The following DPP10 variants were observed in gnomAD, a reference collection of about 807,000 sequenced individuals.
DPP10 encodes dipeptidyl peptidase like 10.
A neutral mutation model predicts 120.9 loss-of-function variants in DPP10; 33 were observed. That is an observed-to-expected ratio of 0.27 (90% CI 0.21 to 0.37). The LOEUF is 0.37. DPP10 is among the 10% of genes least tolerant of loss of function. DPP10 has a pLI of 1.00. For synonymous variants in DPP10, 337 were observed against 326.1 expected, an observed-to-expected ratio of 1.03 and a Z score of -0.36; for missense variants, 816 against 942.8, an observed-to-expected ratio of 0.87 and a Z score of 1.76.
At chr2:115,053,562 G>A (rs1300499520) in intron 1 of DPP10, among the ~76,000 whole-genome samples, 1 of 152,150 alleles carries the variant, frequency 6.6e-6, no homozygotes, top group Non-Finnish European at 1.5e-5. Flanking sequence ...ACACCATTGT[G>A]ATTTTACTAA....
At chr2:115,355,283 G>A (rs2064298670) in intron 3 of DPP10, among the ~76,000 whole-genome samples, 1 of 152,086 alleles carries the variant, frequency 6.6e-6, no homozygotes, top group African/African-American at 2.4e-5. Flanking sequence ...TATCATTGTG[G>A]TTTTGATTTG....
chr2:115,208,995 A>G (rs545642983), intron 1 of DPP10, among the ~76,000 whole-genome samples: 1 of 152,324 alleles, frequency 6.6e-6, no homozygotes, highest in East Asian at 1.9e-4. Flanking sequence ...ATGAGTTCTC[A>G]GATCAGAAAG....
At chr2:115,490,797 A>G (rs1438454391) in intron 3 of DPP10, among the ~76,000 whole-genome samples, 1 of 152,210 alleles carries the variant, frequency 6.6e-6, no homozygotes, top group African/African-American at 2.4e-5. Flanking sequence ...TTCTGACACT[A>G]AAACACTAAG....
intron 3 of DPP10, among the ~76,000 whole-genome samples, chr2:115,495,467 G>A (rs1049377550): frequency 6.6e-6 from 1 of 150,978 alleles, no homozygotes; most frequent in South Asian, 2.1e-4. Flanking sequence ...AATGTAGGCT[G>A]CCTTTATTTT....
At chr2:115,161,842 C>G (rs1573839678) in intron 1 of DPP10, 1 of 1,004,138 alleles carries the variant, frequency 1.0e-6, no homozygotes, top group East Asian at 3.6e-5. Flanking sequence ...CCCACCCCGT[C>G]CCTTCCGCCG....
intron 1 of DPP10, among the ~76,000 whole-genome samples, chr2:114,994,358 T>TA: frequency 6.6e-6 from 1 of 152,268 alleles, no homozygotes; most frequent in African/African-American, 2.4e-5. Flanking sequence ...GATAGGTAGG[T>TA]AGATAGATAA....
At chr2:115,679,182 G>A (rs1037819703) in intron 5 of DPP10, among the ~76,000 whole-genome samples, 1 of 150,496 alleles carries the variant, frequency 6.6e-6, no homozygotes, top group Non-Finnish European at 1.5e-5. Context: ...TAAAATGTGA[G>A]GACATGAGAT....
At chr2:114,616,878 A>C (rs1474057050) in intron 1 of DPP10, among the ~76,000 whole-genome samples, 1 of 152,124 alleles carries the variant, frequency 6.6e-6, no homozygotes, top group Non-Finnish European at 1.5e-5. Context: ...TGACAACCAG[A>C]CACCATAATA....
chr2:114,939,313 T>G (rs1235989501), intron 1 of DPP10, among the ~76,000 whole-genome samples: 1 of 152,042 alleles, frequency 6.6e-6, no homozygotes, highest in Non-Finnish European at 1.5e-5. Context: ...TTTTTAGAAA[T>G]ATTCATTTCC....
chr2:114,663,271 T>TATATATAC lies in DPP10; in HGVS notation c.60+220434_60+220435insTATATACA, dbSNP rs375462897. 4.6e-3 allele frequency among the ~76,000 whole-genome samples: 680 copies of TATATATAC among 147,292 alleles called. 4 individuals carry two copies. The highest frequency in any genetic ancestry group is 8.7e-3 in the South Asian group (41 of 4,708). On this transcript the variant is annotated intron_variant, in intron 1 of 25. Transcript: ENST00000410059. ...ATATATATATATATCTATATATATA[T>TATATATAC]ACACACACATATATGTATACATATA...
intron 1 of DPP10, among the ~76,000 whole-genome samples, chr2:114,821,835 T>C (rs1686113945): frequency 6.6e-6 from 1 of 152,182 alleles, no homozygotes; most frequent in African/African-American, 2.4e-5. Flanking sequence ...TTCTTCTGAG[T>C]CATGCTGGTG....
chr2:114,714,997 A>C (rs1003179295), intron 1 of DPP10, among the ~76,000 whole-genome samples: 1 of 152,160 alleles, frequency 6.6e-6, no homozygotes, highest in African/African-American at 2.4e-5. Flanking sequence ...ATCCTTTTCA[A>C]GTTAAAATCA....
intron 1 of DPP10, among the ~76,000 whole-genome samples, chr2:115,028,326 C>T (rs1703613203): frequency 6.6e-6 from 1 of 151,896 alleles, no homozygotes; most frequent in Non-Finnish European, 1.5e-5. Context: ...TTATAATATC[C>T]TTTTTAATTT....
intron 1 of DPP10, among the ~76,000 whole-genome samples, chr2:115,199,157 T>A (rs1228452541): frequency 1.3e-5 from 2 of 152,176 alleles, no homozygotes; most frequent in Non-Finnish European, 2.9e-5. Flanking sequence ...TAATAAAACC[T>A]GTAATTAAAT....
intron 1 of DPP10, among the ~76,000 whole-genome samples, chr2:114,669,160 A>G (rs563927257): frequency 8.5e-5 from 13 of 152,238 alleles, no homozygotes; most frequent in South Asian, 2.1e-4. Flanking sequence ...TGCTATTTTA[A>G]AATTCTGATT....
At chr2:115,208,191 C>CTTTTTTTTTTTTTTTTTTTTTTTTTT (rs760142039) in intron 1 of DPP10, among the ~76,000 whole-genome samples, 1 of 138,918 alleles carries the variant, frequency 7.2e-6, no homozygotes. Context: ...CATTATTTCT[C>CTTTTTTTTTTTTTTTTTTTTTTTTTT]TTTTTTTTTT....
At chr2:115,206,751 G>GT (rs2056161526) in intron 1 of DPP10, among the ~76,000 whole-genome samples, 1 of 152,138 alleles carries the variant, frequency 6.6e-6, no homozygotes, top group African/African-American at 2.4e-5. Context: ...GTCTGGTACT[G>GT]TAAGTGTATA....
At chr2:115,629,883 G>A (rs555798083) in intron 5 of DPP10, among the ~76,000 whole-genome samples, 1 of 152,106 alleles carries the variant, frequency 6.6e-6, no homozygotes, top group Non-Finnish European at 1.5e-5. Context: ...GGCTATGCGG[G>A]CTCTTTTTTG....
intron 1 of DPP10, among the ~76,000 whole-genome samples, chr2:115,230,588 A>G (rs1425509838): frequency 6.6e-6 from 1 of 152,044 alleles, no homozygotes; most frequent in African/African-American, 2.4e-5. Context: ...TTCTAATTGA[A>G]GAGCTTTTTA....
Sources: gnomAD v4.1 joint callset for allele counts (sites outside exome capture counted in the v4.1 genomes callset) on GRCh38, gnomAD v4.1.1 for gene constraint, MANE v1.5 for transcripts, NCBI Gene and HGNC (gene_info 2026-07-23, HGNC 2026-07-21) for gene names.